Variants in PKDREJ observed in about 807,000 individuals in gnomAD.
PKDREJ encodes polycystin family receptor for egg jelly, also known as PKD and REJ homolog.
For synonymous variants in PKDREJ, 1,031 were observed against 1,095.5 expected (o/e 0.94, Z 1.16); for missense variants, 2,507 against 2,807.2 (o/e 0.89, Z 2.42).
In PKDREJ at chr22:46,261,064, G is replaced by A; in HGVS notation, c.2259C>T (p.Gly753=). ...ATTTGGTAATAGTCATGACTACCTG[G>A]CCAATTTCTACCAAAGTGCTTACAG... ...LLPVSTLVEI[G]QVVMTITKLT... Residue 753 remains glycine (G), a synonymous_variant, in exon 1 of 1, where the codon GGC becomes GGT. Coordinates refer to ENST00000253255, the MANE Select transcript of PKDREJ (RefSeq NM_006071.2). The surrounding 1 kb of genome is among the most constrained non-coding windows in gnomAD (Gnocchi z 7.1). 1 of 1,614,146 alleles carries A rather than the reference G, an allele frequency of 6.2e-7. No homozygotes were observed. Among genetic ancestry groups the A allele is most frequent in the Non-Finnish European group, 8.5e-7 (1 of 1,180,030 alleles).
At position 46,262,565 on chromosome 22, in the gene PKDREJ, C is replaced by T. The variant is rs765492437; in HGVS notation, c.758G>A (p.Arg253His). ...ASVQLDCPAA[R>H]AIAQYWQVFS... ...CACCTGCCAGTACTGGGCGATGGCG[C>T]GCGCGGCCGGGCAGTCCAGCTGCAC... Residue 253 changes from arginine (R) to histidine (H), a missense_variant, in exon 1 of 1, where the codon CGC becomes CAC. Physicochemically the swap from Arg to His is conservative, Grantham distance 29 (BLOSUM62 0). Coordinates refer to ENST00000253255, the MANE Select transcript of PKDREJ (RefSeq NM_006071.2). The surrounding 1 kb of genome is among the most constrained non-coding windows in gnomAD (Gnocchi z 8.1). 5 of 1,606,146 alleles carry T rather than the reference C, an allele frequency of 3.1e-6. No individual in the cohort carries two copies. Among genetic ancestry groups the T allele is most frequent in the Non-Finnish European group, 3.4e-6 (4 of 1,176,424 alleles).
In PKDREJ at chr22:46,259,627, G is replaced by A; in HGVS notation, c.3696C>T (p.Tyr1232=). The stretch of plus-strand genomic sequence containing the variant: ...GACTTCCTGTAAAAATAGTCACCAA[G>A]TAGCATAAATTATCATAAGGATCAT... ...PDNDPYDNLC[Y]LVTIFTGSRW... Residue 1232 remains tyrosine (Y), a synonymous_variant, in exon 1 of 1, where the codon TAC becomes TAT. Coordinates refer to ENST00000253255, the MANE Select transcript of PKDREJ (RefSeq NM_006071.2). The surrounding 1 kb of genome is among the most constrained non-coding windows in gnomAD (Gnocchi z 6.8). 3.1e-6 allele frequency: 5 copies of A among 1,614,144 alleles called. No individual in the cohort carries two copies. Among genetic ancestry groups the A allele is most frequent in the Non-Finnish European group, 4.2e-6 (5 of 1,180,028 alleles).
chr22:46,258,719 C>A lies in PKDREJ; in HGVS notation c.4604G>T (p.Gly1535Val), dbSNP rs1936661227. Reference sequence around the variant, plus strand: ...GTTGTTATTGGAATTTGTATTTGGCCCGAGGGTCTCCGGGGTCTTGATTTG... The same window carrying A: ...GTTGTTATTGGAATTTGTATTTGGCACGAGGGTCTCCGGGGTCTTGATTTG... The part of the protein sequence containing the change: ...KAQIKTPETL[G>V]PNTNSNNNIE... Residue 1535 changes from glycine (G) to valine (V), a missense_variant, in exon 1 of 1, where the codon GGG (glycine) becomes GTG (valine). Physicochemically the swap from Gly to Val is moderately radical, Grantham distance 109. Transcript: ENST00000253255. This position sits in a 1 kb window ranked among gnomAD's most constrained non-coding sequence, Gnocchi z 6.1. 1.2e-6 allele frequency: 2 copies of A among 1,613,922 alleles called. No homozygotes were observed. Among genetic ancestry groups the A allele is most frequent in the Non-Finnish European group, 1.7e-6 (2 of 1,180,028 alleles).
chr22:46,259,183 A>G lies in PKDREJ; in HGVS notation c.4140T>C (p.Val1380=). 6.2e-7 allele frequency: 1 copy of G among 1,614,006 alleles called. No individual in the cohort carries two copies. Among genetic ancestry groups the G allele is most frequent in the South Asian group, 1.1e-5 (1 of 91,038 alleles). Residue 1380 remains valine (V), a synonymous_variant, in exon 1 of 1, where the codon GTT becomes GTC. Transcript: ENST00000253255. This position sits in a 1 kb window ranked among gnomAD's most constrained non-coding sequence, Gnocchi z 6.8. ...TCTGGAGCCTATTGAATGTTTTAGC[A>G]ACAACACTAGCAAAAATAGAGAACC... is the stretch of plus-strand genomic sequence containing the variant. ...HMWFSIFASV[V]AKTFNRLQRL...
Position 46,263,099 on chromosome 22 carries a change from C to T in PKDREJ, c.224G>A (p.Gly75Asp), listed in dbSNP as rs1459104174. 4 of 1,310,854 alleles carry T rather than the reference C, an allele frequency of 3.1e-6. No homozygotes were observed. Among genetic ancestry groups the T allele is most frequent in the South Asian group, 1.6e-5 (1 of 60,934 alleles). 81.2% of individuals were successfully genotyped at this position (1,310,854 alleles called of 1,614,324 possible). ...RAGGAVLSGR[G>D]SLCFPHGGTG... ...CCCGCCATGGGGGAAGCAGAGGCTG[C>T]CGCGGCCGCTCAGGACAGCGCCGCC... is the stretch of plus-strand genomic sequence containing the variant. Residue 75 changes from glycine to aspartate, a missense_variant, in exon 1 of 1, where the codon GGC becomes GAC. Transcript: ENST00000253255. This position sits in a 1 kb window ranked among gnomAD's most constrained non-coding sequence, Gnocchi z 9.4.
rs762907462 is a variant in PKDREJ, at chr22:46,262,355, T to G, written c.968A>C (p.Asp323Ala). The stretch of plus-strand genomic sequence containing the variant: ...GATCCAGACATAGACGGCGTCCGAG[T>G]CTTTCACCTCGGGCATCTTGGGGTT... ...TGNPKMPEVK[D>A]SDAVYVWIVR... is the part of the protein sequence containing the mutation. The change falls in exon 1 of 1, where the codon GAC becomes GCC. Residue 323 changes from aspartate to alanine, a missense_variant. Transcript: ENST00000253255. This position sits in a 1 kb window ranked among gnomAD's most constrained non-coding sequence, Gnocchi z 8.1. 4.3e-6 allele frequency: 7 copies of G among 1,614,118 alleles called. No individual in the cohort carries two copies. Among genetic ancestry groups the G allele is most frequent in the Non-Finnish European group, 5.9e-6 (7 of 1,180,002 alleles).
At position 46,258,832 on chromosome 22, in the gene PKDREJ, A is replaced by C; in HGVS notation, c.4491T>G (p.Val1497=). 1.1e-5 allele frequency: 18 copies of C among 1,614,184 alleles called. No homozygotes were observed. The highest frequency in any genetic ancestry group is 1.4e-5 in the Non-Finnish European group (17 of 1,180,036). ...YETAKVHPRE[V]AKPASKGKPR... is the part of the protein sequence containing the mutation. ...GCTTTCCTTTAGATGCAGGTTTTGC[A>C]ACCTCCCTGGGGTGCACCTTAGCAG... The change falls in exon 1 of 1, where the codon GTT becomes GTG. Residue 1497 remains valine, a synonymous_variant. Transcript: ENST00000253255. This position sits in a 1 kb window ranked among gnomAD's most constrained non-coding sequence, Gnocchi z 6.1.
rs151109602 is a variant in PKDREJ at position 46,257,992 on chromosome 22, A to C, written c.5331T>G (p.Asn1777Lys). 1 of 1,614,102 alleles carries C rather than the reference A, an allele frequency of 6.2e-7. No individual in the cohort carries two copies. Among genetic ancestry groups the C allele is most frequent in the East Asian group, 2.2e-5 (1 of 44,890 alleles). ...VLLPLLHNDL[N>K]PTFLPESSSK... ...ACGAGCTTTCAGGAAGAAATGTTGG[A>C]TTCAGGTCATTGTGTAACAAAGGCA... Residue 1777 changes from asparagine (N) to lysine (K), a missense_variant, in exon 1 of 1, where the codon AAT (asparagine) becomes AAG (lysine). Physicochemically the swap from Asn to Lys is moderately conservative, Grantham distance 94. Transcript: ENST00000253255. The surrounding 1 kb of genome is among the most constrained non-coding windows in gnomAD (Gnocchi z 4.7).
chr22:46,263,191 G>GC lies in PKDREJ; in HGVS notation c.131dup (p.Ala45ArgfsTer252). On this transcript the variant is annotated frameshift_variant, in exon 1 of 1. Coordinates refer to ENST00000253255, the MANE Select transcript of PKDREJ (RefSeq NM_006071.2). LOFTEE classifies it low-confidence loss of function (END_TRUNC). The surrounding 1 kb of genome is among the most constrained non-coding windows in gnomAD (Gnocchi z 9.4). Reference sequence around the variant, plus strand: ...CGCCGCGCACCCCGAGGCCCGGGGCGCCCCTGAGGAGGCCACCGGGCGCCC... The same window carrying GC: ...CGCCGCGCACCCCGAGGCCCGGGGCGCCCCCTGAGGAGGCCACCGGGCGCCC... 1 of 1,314,372 alleles carries GC rather than the reference G, an allele frequency of 7.6e-7. No individual in the cohort carries two copies. The allele number at this position is 1,314,372 out of a possible 1,614,324, so 81.4% of individuals were successfully genotyped here.
At position 46,260,400 on chromosome 22, in the gene PKDREJ, C is replaced by T. The variant is rs1217653967; in HGVS notation, c.2923G>A (p.Asp975Asn). The change falls in exon 1 of 1, where the codon GAT becomes AAT. Residue 975 changes from aspartate (D) to asparagine (N), a missense_variant. Coordinates refer to ENST00000253255, the MANE Select transcript of PKDREJ (RefSeq NM_006071.2). The surrounding 1 kb of genome is among the most constrained non-coding windows in gnomAD (Gnocchi z 4.5). The part of the protein sequence containing the change: ...NLTVGPNSEV[D>N]GSLKKTTGGF... ...CCTGTCGTCTTCTTCAAGGACCCAT[C>T]AACCTCGCTGTTGGGTCCCACTGTG... The T allele has an allele frequency of 6.2e-7, 1 of 1,614,230 alleles. No homozygotes were observed. The highest frequency in any genetic ancestry group is 8.5e-7 in the Non-Finnish European group (1 of 1,180,046).
In PKDREJ at chr22:46,260,615, A is replaced by G. The variant is rs759583985; in HGVS notation, c.2708T>C (p.Ile903Thr). Residue 903 changes from isoleucine (I) to threonine (T), a missense_variant, in exon 1 of 1, where the codon ATT becomes ACT. Ile to Thr is a moderately conservative substitution (Grantham distance 89, BLOSUM62 -1). Coordinates refer to ENST00000253255, the MANE Select transcript of PKDREJ (RefSeq NM_006071.2). The surrounding 1 kb of genome is among the most constrained non-coding windows in gnomAD (Gnocchi z 4.5). ...SVPGLSANGP[I>T]STMFCDFTND... is the part of the protein sequence containing the mutation. ...TGTGAAATCACAAAACATTGTAGAAATGGGACCATTTGCAGACAGACCAGG... is the reference window on the plus strand; with the variant it reads ...TGTGAAATCACAAAACATTGTAGAAGTGGGACCATTTGCAGACAGACCAGG... 73 of 1,614,068 alleles carry G rather than the reference A, an allele frequency of 4.5e-5. No homozygotes were observed. The East Asian group carries it at 1.5e-3, about 33-fold the overall frequency.
Position 46,259,239 on chromosome 22 carries a change from C to T in PKDREJ, c.4084G>A (p.Val1362Met). 6.2e-7 allele frequency: 1 copy of T among 1,613,978 alleles called. No homozygotes were observed. The highest frequency in any genetic ancestry group is 1.1e-5 in the South Asian group (1 of 91,020). ...LTRKDFFFID[V>M]SSNLRKNHMW... Reference sequence around the variant, plus strand: ...TGGTTTTTCCGGAGATTACTACTCACATCTATAAAGAAAAAGTCTTTTCTA... The same window carrying T: ...TGGTTTTTCCGGAGATTACTACTCATATCTATAAAGAAAAAGTCTTTTCTA... The change falls in exon 1 of 1, where the codon GTG becomes ATG. Residue 1362 changes from valine to methionine, a missense_variant. Coordinates refer to ENST00000253255, the MANE Select transcript of PKDREJ (RefSeq NM_006071.2). This position sits in a 1 kb window ranked among gnomAD's most constrained non-coding sequence, Gnocchi z 6.8.
At position 46,260,451 on chromosome 22, in the gene PKDREJ, T is replaced by C. The variant is rs750485299; in HGVS notation, c.2872A>G (p.Asn958Asp). 1 of 1,614,162 alleles carries C rather than the reference T, an allele frequency of 6.2e-7. No individual in the cohort carries two copies. The highest frequency in any genetic ancestry group is 1.7e-5 in the Admixed American group (1 of 60,022). The change falls in exon 1 of 1, where the codon AAC (asparagine) becomes GAC (aspartate). Residue 958 changes from asparagine to aspartate, a missense_variant. Transcript: ENST00000253255. This position sits in a 1 kb window ranked among gnomAD's most constrained non-coding sequence, Gnocchi z 4.5. ...AGATTAAAAGCTGCAAAGGTCAAGT[T>C]TTTCCTGACAAGGTACACTTCCGCT... is the stretch of plus-strand genomic sequence containing the variant. ...DVAEVYLVRK[N>D]LTFAAFNLTV...
Position 46,263,083 on chromosome 22 carries a change from G to C in PKDREJ, c.240C>G (p.Pro80=). ...VLSGRGSLCF[P]HGGTGRRWYC... ...ACCAGCGCCGCCCGGTCCCGCCATG[G>C]GGGAAGCAGAGGCTGCCGCGGCCGC... The change falls in exon 1 of 1, where the codon CCC becomes CCG. Residue 80 remains proline, a synonymous_variant. Coordinates refer to ENST00000253255, the MANE Select transcript of PKDREJ (RefSeq NM_006071.2). This position sits in a 1 kb window ranked among gnomAD's most constrained non-coding sequence, Gnocchi z 9.4. 7.6e-7 allele frequency: 1 copy of C among 1,321,144 alleles called. No homozygotes were observed. Among genetic ancestry groups the C allele is most frequent in the East Asian group, 3.8e-5 (1 of 26,588 alleles). The allele number at this position is 1,321,144 out of a possible 1,614,324, so 81.8% of individuals were successfully genotyped here. A position where few individuals can be genotyped will look rare whatever the true frequency, so the allele number is the denominator to read the frequency against.
In PKDREJ at chr22:46,262,143, C is replaced by G. The variant is rs770820402; in HGVS notation, c.1180G>C (p.Gly394Arg). Reference sequence around the variant, plus strand: ...TCGGGGTGACAGACTTCCTTGCTCCCCAGGATTATTCGATCCCCACCGTAG... The same window carrying G: ...TCGGGGTGACAGACTTCCTTGCTCCGCAGGATTATTCGATCCCCACCGTAG... ...RNYGGDRIILGSKEVCHPEQA... is the reference protein window; with the variant it reads ...RNYGGDRIILRSKEVCHPEQA... The change falls in exon 1 of 1, where the codon GGG becomes CGG. Residue 394 changes from glycine (G) to arginine (R), a missense_variant. Physicochemically the swap from Gly to Arg is moderately radical, Grantham distance 125. Coordinates refer to ENST00000253255, the MANE Select transcript of PKDREJ (RefSeq NM_006071.2). The surrounding 1 kb of genome is among the most constrained non-coding windows in gnomAD (Gnocchi z 8.1). 6.2e-7 allele frequency: 1 copy of G among 1,614,172 alleles called. No homozygotes were observed. The highest frequency in any genetic ancestry group is 1.7e-5 in the Admixed American group (1 of 60,024).
rs371348205 is a variant in PKDREJ at position 46,259,469 on chromosome 22, G to T, written c.3854C>A (p.Thr1285Lys). The T allele has an allele frequency of 1.2e-6, 2 of 1,614,032 alleles. No homozygotes were observed. Among genetic ancestry groups the T allele is most frequent in the African/African-American group, 2.7e-5 (2 of 74,906 alleles). Reference sequence around the variant, plus strand: ...GATGTCCCCCAAGTCACTTTTTGTCGTTAGGAGGAAAGTGTTGATGCTACC... The same window carrying T: ...GATGTCCCCCAAGTCACTTTTTGTCTTTAGGAGGAAAGTGTTGATGCTACC... ...YRGSINTFLLTTKSDLGDIHS... is the reference protein window; with the variant it reads ...YRGSINTFLLKTKSDLGDIHS... Residue 1285 changes from threonine (T) to lysine (K), a missense_variant, in exon 1 of 1, where the codon ACG becomes AAG. Physicochemically the swap from Thr to Lys is moderately conservative, Grantham distance 78. Transcript: ENST00000253255. This position sits in a 1 kb window ranked among gnomAD's most constrained non-coding sequence, Gnocchi z 6.8.
chr22:46,256,619 T>C lies in PKDREJ; in HGVS notation c.6704A>G (p.Tyr2235Cys), dbSNP rs145208153. 6.2e-7 allele frequency: 1 copy of C among 1,614,214 alleles called. No individual in the cohort carries two copies. Among genetic ancestry groups the C allele is most frequent in the Non-Finnish European group, 8.5e-7 (1 of 1,180,032 alleles). The change falls in exon 1 of 1, where the codon TAT becomes TGT. Residue 2235 changes from tyrosine (Y) to cysteine (C), a missense_variant. By Grantham distance (194) the Tyr-to-Cys change is radical. Transcript: ENST00000253255. The surrounding 1 kb of genome is among the most constrained non-coding windows in gnomAD (Gnocchi z 5.3). ...GATGTTTCTGGTCTTCAGCCCCAGA[T>C]AACGGTGGCTGTTCTTCTCTGGCTG... The part of the protein sequence containing the change: ...YGQPEKNSHR[Y>C]LGLKTRNING...
At position 46,259,185 on chromosome 22, in the gene PKDREJ, C is replaced by G. The variant is rs1470475183; in HGVS notation, c.4138G>C (p.Val1380Leu). The G allele has an allele frequency of 1.2e-6, 2 of 1,613,788 alleles. No homozygotes were observed. The highest frequency in any genetic ancestry group is 1.7e-6 in the Non-Finnish European group (2 of 1,179,842). Residue 1380 changes from valine (V) to leucine (L), a missense_variant, in exon 1 of 1, where the codon GTT becomes CTT. Physicochemically the swap from Val to Leu is conservative, Grantham distance 32 (BLOSUM62 1). Transcript: ENST00000253255. The surrounding 1 kb of genome is among the most constrained non-coding windows in gnomAD (Gnocchi z 6.8). ...TGGAGCCTATTGAATGTTTTAGCAA[C>G]AACACTAGCAAAAATAGAGAACCAC... Reference protein sequence around the residue: ...HMWFSIFASVVAKTFNRLQRL... With the variant: ...HMWFSIFASVLAKTFNRLQRL...
rs749070829 is a variant in PKDREJ, at chr22:46,258,086, C to T, written c.5237G>A (p.Arg1746Gln). The T allele has an allele frequency of 1.1e-5, 17 of 1,614,016 alleles. No individual in the cohort carries two copies. Among genetic ancestry groups the T allele is most frequent in the East Asian group, 2.2e-5 (1 of 44,886 alleles). ...CACAGTAGCAAGATCCATAGAGAAC[C>T]GATCACGAATAAACTGGTTATAGTA... ...CFYYNQFIRD[R>Q]FSMDLATVTK... Residue 1746 changes from arginine to glutamine, a missense_variant, in exon 1 of 1, where the codon CGG becomes CAG. Physicochemically the swap from Arg to Gln is conservative, Grantham distance 43. Coordinates refer to ENST00000253255, the MANE Select transcript of PKDREJ (RefSeq NM_006071.2). This position sits in a 1 kb window ranked among gnomAD's most constrained non-coding sequence, Gnocchi z 6.1.
Sources: gnomAD v4.1 joint callset for allele counts on GRCh38, gnomAD v4.1.1 for gene constraint, Gnocchi (gnomAD v3.1) non-coding constraint, MANE v1.5 for transcripts, NCBI Gene and HGNC (gene_info 2026-07-23, HGNC 2026-07-21) for gene names.